INSC: variants seen among roughly 807,000 people sequenced by gnomAD.
INSC encodes protein inscuteable homolog.
A neutral mutation model predicts 58.6 loss-of-function variants in INSC; 67 were observed. The observed-to-expected ratio is 1.14, with a 90% CI of 0.94 to 1.40. The LOEUF (loss-of-function observed/expected upper bound fraction) is 1.40, where lower values mean the gene tolerates loss of function less well. INSC is among the 40% of genes most tolerant of loss of function. The probability of loss-of-function intolerance (pLI) is 0.00; values close to 1 mark genes in which losing one functional copy is unlikely to be tolerated. For missense variants in INSC, 714 were observed against 692.0 expected, an observed-to-expected ratio of 1.03 and a Z score of -0.36; for synonymous variants, 262 against 276.1, an observed-to-expected ratio of 0.95 and a Z score of 0.51.
upstream of INSC, chr11:15,112,484 T>G: frequency 6.2e-7 from 1 of 1,609,980 alleles, no homozygotes; most frequent in Non-Finnish European, 8.5e-7. Flanking sequence ...GACGGCCCCC[T>G]GGCAATGGAG....
chr11:15,137,557 C>T (rs1312565201), intron 1 of INSC, among the ~76,000 whole-genome samples: 1 of 152,234 alleles, frequency 6.6e-6, no homozygotes, highest in Non-Finnish European at 1.5e-5. Flanking sequence ...CTTGCTGCTT[C>T]ACCTTGAACT....
At chr11:15,180,481 T>C (rs1849731341) in intron 5 of INSC, among the ~76,000 whole-genome samples, 1 of 151,922 alleles carries the variant, frequency 6.6e-6, no homozygotes, top group Non-Finnish European at 1.5e-5. Flanking sequence ...GGCTGTATAG[T>C]TGAATCCATT....
intron 1 of INSC, among the ~76,000 whole-genome samples, chr11:15,123,145 A>G (rs1847914488): frequency 6.6e-6 from 1 of 152,122 alleles, no homozygotes; most frequent in Non-Finnish European, 1.5e-5. Context: ...CACCTACCGA[A>G]TTCCTGCTTT....
At chr11:15,157,062 T>C (rs1233501883) in intron 2 of INSC, among the ~76,000 whole-genome samples, 1 of 152,208 alleles carries the variant, frequency 6.6e-6, no homozygotes, top group Non-Finnish European at 1.5e-5. Flanking sequence ...TCATTCCAGA[T>C]GTTCAGGACA....
chr11:15,201,479 G>A (rs538908904), intron 7 of INSC, among the ~76,000 whole-genome samples: 3 of 152,202 alleles, frequency 2.0e-5, no homozygotes, highest in Non-Finnish European at 2.9e-5. Flanking sequence ...CGTGGGAGTA[G>A]GGTAGGGTTA....
In INSC at chr11:15,175,999, C is replaced by T; in HGVS notation, c.315C>T (p.Ser105=). 6.2e-7 allele frequency: 1 copy of T among 1,604,632 alleles called. No individual in the cohort carries two copies. Among genetic ancestry groups the T allele is most frequent in the Non-Finnish European group, 8.5e-7 (1 of 1,175,420 alleles). The change falls in exon 3 of 13, where the codon AGC becomes AGT. Residue 105 remains serine, a synonymous_variant. Transcript: ENST00000379556. ...AGGACCGCTGGGCACGGGTGCACAG[C>T]ATGAGCGTGCGTCTGACCTGCCATG... The part of the protein sequence containing the change: ...LAQDRWARVH[S]MSVRLTCHAR...
intron 9 of INSC, among the ~76,000 whole-genome samples, chr11:15,234,027 C>A (rs1302732090): frequency 6.6e-6 from 1 of 152,220 alleles, no homozygotes; most frequent in East Asian, 1.9e-4. Flanking sequence ...AGTGCAAAAA[C>A]AAGTAAATAA....
intron 2 of INSC, among the ~76,000 whole-genome samples, chr11:15,163,877 C>G (rs542554648): frequency 6.6e-6 from 1 of 152,184 alleles, no homozygotes; most frequent in Non-Finnish European, 1.5e-5. Context: ...CGTGAGCCAC[C>G]ATATCTGGCC....
chr11:15,189,189 A>T (rs1020275314), intron 5 of INSC, among the ~76,000 whole-genome samples: 18 of 152,334 alleles, frequency 1.2e-4, no homozygotes, highest in African/African-American at 4.3e-4. Flanking sequence ...TCATTTTACG[A>T]ACAGGGAAAC....
chr11:15,125,066 G>A (rs569237471), intron 1 of INSC, among the ~76,000 whole-genome samples: 9 of 152,228 alleles, frequency 5.9e-5, no homozygotes, highest in South Asian at 2.1e-4. Flanking sequence ...GGAGAAATAC[G>A]GAGAATAATA....
intron 7 of INSC, among the ~76,000 whole-genome samples, chr11:15,213,259 C>CA (rs991280075): frequency 1.3e-5 from 2 of 151,710 alleles, no homozygotes; most frequent in African/African-American, 4.8e-5. Context: ...GACCTTGTCT[C>CA]AAAAAAACAA....
chr11:15,168,147 G>A (rs1849267461), intron 2 of INSC, among the ~76,000 whole-genome samples: 1 of 152,170 alleles, frequency 6.6e-6, no homozygotes, highest in South Asian at 2.1e-4. Flanking sequence ...GGATACACAT[G>A]CAGGATGTGC....
At chr11:15,231,765 C>T (rs775443864) in intron 9 of INSC, among the ~76,000 whole-genome samples, 1 of 152,186 alleles carries the variant, frequency 6.6e-6, no homozygotes, top group Non-Finnish European at 1.5e-5. Flanking sequence ...TTCTTTAGAT[C>T]AGAGCACCTG....
chr11:15,248,158 A>G (rs1852611995), downstream of INSC, among the ~76,000 whole-genome samples: 1 of 152,216 alleles, frequency 6.6e-6, no homozygotes, highest in South Asian at 2.1e-4. Flanking sequence ...CAGTTCTCAT[A>G]TCACTCAGAA....
At chr11:15,112,415 G>A (rs1299600376), upstream of INSC, 10 of 1,454,422 alleles carry the variant, frequency 6.9e-6, no homozygotes, top group South Asian at 1.3e-5. Flanking sequence ...GAAAGAAGCT[G>A]TTCACAGGGG....
intron 5 of INSC, 40 bp from the exon 6 acceptor site, chr11:15,190,661 T>C: frequency 7.4e-7 from 1 of 1,347,354 alleles, no homozygotes; most frequent in Admixed American, 1.7e-5. Flanking sequence ...AGGGTAGAGG[T>C]GGTGAGTAAC....
intron 1 of INSC, among the ~76,000 whole-genome samples, chr11:15,118,070 C>G (rs1018480796): frequency 6.6e-6 from 1 of 152,212 alleles, no homozygotes; most frequent in Non-Finnish European, 1.5e-5. Context: ...ACTCAGGGCT[C>G]TCTGTGTCTC....
intron 2 of INSC, among the ~76,000 whole-genome samples, chr11:15,160,912 A>G (rs1848995122): frequency 6.6e-6 from 1 of 152,208 alleles, no homozygotes; most frequent in Admixed American, 6.5e-5. Context: ...AACCTCTTTG[A>G]GCCTCAGTTT....
At chr11:15,182,663 G>T (rs1787241890) in intron 5 of INSC, among the ~76,000 whole-genome samples, 1 of 152,146 alleles carries the variant, frequency 6.6e-6, no homozygotes. Context: ...ATTGATTTGG[G>T]CTTCTTGAAG....
Sources: gnomAD v4.1 joint callset for allele counts (sites outside exome capture counted in the v4.1 genomes callset) on GRCh38, gnomAD v4.1.1 for gene constraint, MANE v1.5 for transcripts, NCBI Gene and HGNC (gene_info 2026-07-23, HGNC 2026-07-21) for gene names.